CYB5R3: variants seen among roughly 807,000 people sequenced by gnomAD.
CYB5R3 encodes NADH-cytochrome b5 reductase 3.
In CYB5R3, 28 loss-of-function variants were observed where a neutral mutation model predicts 36.5. That is an observed-to-expected ratio of 0.77 (90% confidence interval 0.57 to 1.05). CYB5R3 has a LOEUF of 1.05. Among genes scored for constraint, CYB5R3 ranks in the 50% least tolerant of loss-of-function variants. CYB5R3 has a pLI of 0.00. For synonymous variants in CYB5R3, 181 were observed against 159.8 expected (o/e 1.13, Z -1.00); for missense variants, 474 against 408.9 (o/e 1.16, Z -1.37).
intron 1 of CYB5R3, among the ~76,000 whole-genome samples, chr22:42,639,502 T>TGC (rs1929117624): frequency 6.6e-6 from 1 of 150,384 alleles, no homozygotes; most frequent in East Asian, 2.0e-4. Context: ...GTAGCGGGCG[T>TGC]CTGCAATCCC....
At position 42,649,341 on chromosome 22, in the gene CYB5R3, G is replaced by A. The variant is rs1569330539; in HGVS notation, c.-26C>T. The A allele has an allele frequency of 1.0e-6, 1 of 979,688 alleles. No individual in the cohort carries two copies. Among genetic ancestry groups the A allele is most frequent in the Non-Finnish European group, 1.2e-6 (1 of 807,682 alleles). The allele number at this position is 979,688 out of a possible 1,614,324, so 60.7% of individuals were successfully genotyped here. A position where few individuals can be genotyped will look rare whatever the true frequency, so the allele number is the denominator to read the frequency against. ...GGTGGCCCCGCGCCGCGCTCGCTCT[G>A]TCGCCGCCGCCGCCGCCGCCGAGAC... On this transcript the variant is annotated 5_prime_UTR_variant, in exon 1 of 9. Coordinates refer to ENST00000352397, the MANE Select transcript of CYB5R3 (RefSeq NM_000398.7).
intron 4 of CYB5R3, among the ~76,000 whole-genome samples, chr22:42,628,486 C>T (rs1928425499): frequency 6.6e-6 from 1 of 152,210 alleles, no homozygotes. Flanking sequence ...AGTCAGCCTC[C>T]ACCTGACATA....
Position 42,627,633 on chromosome 22 carries a change from C to T in CYB5R3, c.519G>A (p.Lys173=). Reference sequence around the variant, plus strand: ...TCCCTCCCGCGATCATGCCCACAGACTTCACTGTCCTGATGATAGGGTTGG... The same window carrying T: ...TCCCTCCCGCGATCATGCCCACAGATTTCACTGTCCTGATGATAGGGTTGG... The part of the protein sequence containing the change: ...KKSNPIIRTV[K]SVGMIAGGTG... The change falls in exon 6 of 9, where the codon AAG becomes AAA. Residue 173 remains lysine, a synonymous_variant. Coordinates refer to ENST00000352397, the MANE Select transcript of CYB5R3 (RefSeq NM_000398.7). The T allele has an allele frequency of 6.2e-7, 1 of 1,614,216 alleles. No individual in the cohort carries two copies. The highest frequency in any genetic ancestry group is 1.1e-5 in the South Asian group (1 of 91,086).
At chr22:42,620,933 A>G (rs1927931221) in intron 8 of CYB5R3, among the ~76,000 whole-genome samples, 1 of 152,140 alleles carries the variant, frequency 6.6e-6, no homozygotes, top group Admixed American at 6.5e-5. Flanking sequence ...CATTCATTTT[A>G]TAGCCCTGCA....
At chr22:42,627,541 A>C in intron 6 of CYB5R3, 64 bp downstream of exon 6, 5 of 1,533,018 alleles carry the variant, frequency 3.3e-6, no homozygotes, top group Non-Finnish European at 4.5e-6. Context: ...CCTGCGCCTC[A>C]CCCACACCCC....
chr22:42,631,165 C>T (rs1163248013), intron 3 of CYB5R3, 177 bp from the exon 4 acceptor site: 4 of 756,384 alleles, frequency 5.3e-6, no homozygotes, highest in Non-Finnish European at 8.9e-6. Flanking sequence ...TTCCTGCCTC[C>T]ATGCCTTCAC....
At position 42,631,469 on chromosome 22, in the gene CYB5R3, C is replaced by G; in HGVS notation, c.154-19G>C. On this transcript the variant is annotated intron_variant, in intron 2 of 8. Coordinates refer to ENST00000352397, the MANE Select transcript of CYB5R3 (RefSeq NM_000398.7). ...TGATGATCTGGAGAGAGGCCCAAAG[C>G]TGCTGAACGGTCCCCAGGGCAGAGG... 6.4e-7 allele frequency: 1 copy of G among 1,551,444 alleles called. No homozygotes were observed. Among genetic ancestry groups the G allele is most frequent in the Non-Finnish European group, 8.7e-7 (1 of 1,146,858 alleles).
In CYB5R3 at chr22:42,619,475, T is replaced by G. The variant is rs1405068157; in HGVS notation, c.*298A>C. The G allele has an allele frequency of 1.7e-5, 8 of 460,562 alleles. No homozygotes were observed. Among genetic ancestry groups the G allele is most frequent in the African/African-American group, 1.4e-4 (7 of 49,602 alleles). 28.5% of individuals were successfully genotyped at this position (460,562 alleles called of 1,614,324 possible). On this transcript the variant is annotated 3_prime_UTR_variant, in exon 9 of 9. Coordinates refer to ENST00000352397, the MANE Select transcript of CYB5R3 (RefSeq NM_000398.7). ...GGGCTGCTGGCAGCCCTCAGCCTTA[T>G]AGTGTGTGTGGGGGGTGGACGAGGG...
intron 1 of CYB5R3, chr22:42,644,617 T>A (rs1929451662): frequency 6.8e-7 from 1 of 1,481,138 alleles, no homozygotes; most frequent in Non-Finnish European, 9.0e-7. Flanking sequence ...GGAAACTCCC[T>A]GGGGCAAGTA....
rs1488314940 is a variant in CYB5R3, at chr22:42,617,891, C to T, written c.*1882G>A. On this transcript the variant is annotated 3_prime_UTR_variant, in exon 9 of 9. Transcript: ENST00000352397. ...GCTGGTTCCAACGGCAGGGCCTTTG[C>T]GTCTGCTGTTTCCACCATTTGAACA... is the stretch of plus-strand genomic sequence containing the variant. 1.3e-5 allele frequency: 2 copies of T among 152,302 alleles called. No individual in the cohort carries two copies. The highest frequency in any genetic ancestry group is 2.4e-5 in the African/African-American group (1 of 41,432). The allele number at this position is 152,302 out of a possible 1,614,324, so 9.4% of individuals were successfully genotyped here.
chr22:42,619,872 C>T lies in CYB5R3; in HGVS notation c.807G>A (p.Pro269=), dbSNP rs764486407. 9.3e-6 allele frequency: 15 copies of T among 1,607,478 alleles called. 1 individual carries two copies. The Admixed American group carries it at 1.2e-4, about 13-fold the overall frequency. ...GTGGGGGGCCACACATCAGCACCAG[C>T]GGCTCCTCCTCTGGGGGTGGAAGGT... ...RDHLPPPEEE[P]LVLMCGPPPM... is the part of the protein sequence containing the mutation. Residue 269 remains proline, a synonymous_variant, in exon 9 of 9, where the codon CCG becomes CCA. Transcript: ENST00000352397.
chr22:42,620,084 T>C, intron 8 of CYB5R3, 139 bp from the exon 9 acceptor site: 1 of 847,260 alleles, frequency 1.2e-6, no homozygotes, highest in Non-Finnish European at 1.9e-6. Flanking sequence ...CAGGACCCCC[T>C]GCCCCCAACC....
intron 7 of CYB5R3, among the ~76,000 whole-genome samples, chr22:42,626,134 C>A (rs926754165): frequency 5.3e-5 from 8 of 152,082 alleles, no homozygotes; most frequent in African/African-American, 1.9e-4. Context: ...CATGGTAAAA[C>A]CCCATCTCTA....
intron 1 of CYB5R3, among the ~76,000 whole-genome samples, chr22:42,643,592 T>C (rs947203937): frequency 7.9e-5 from 12 of 151,918 alleles, no homozygotes; most frequent in Non-Finnish European, 1.8e-4. Context: ...CATGGGGCCC[T>C]TGGTATTTGA....
intron 1 of CYB5R3, among the ~76,000 whole-genome samples, chr22:42,643,292 G>A (rs1259737837): frequency 6.6e-6 from 1 of 152,202 alleles, no homozygotes; most frequent in Non-Finnish European, 1.5e-5. Flanking sequence ...CTGGGGCCCA[G>A]GTCACGTAGG....
At chr22:42,627,476 G>C in intron 6 of CYB5R3, 87 bp from the exon 7 acceptor site, 2 of 1,491,492 alleles carry the variant, frequency 1.3e-6, no homozygotes, top group South Asian at 1.1e-5. Flanking sequence ...GGGTGGAGGG[G>C]CCAGGACCAC....
At chr22:42,629,310 C>T (rs1342333534) in intron 4 of CYB5R3, among the ~76,000 whole-genome samples, 1 of 152,186 alleles carries the variant, frequency 6.6e-6, no homozygotes, top group Non-Finnish European at 1.5e-5. Context: ...CTGCTGCTGA[C>T]TTCAGGGCCT....
intron 1 of CYB5R3, among the ~76,000 whole-genome samples, 170 bp downstream of exon 1, chr22:42,649,125 C>A (rs1929654427): frequency 6.6e-6 from 1 of 152,138 alleles, no homozygotes; most frequent in Non-Finnish European, 1.5e-5. Context: ...ACGTAGCTCG[C>A]CCAGGCCCTT....
intron 2 of CYB5R3, among the ~76,000 whole-genome samples, chr22:42,635,319 T>C (rs898857969): frequency 6.6e-6 from 1 of 151,526 alleles, no homozygotes; most frequent in African/African-American, 2.4e-5. Flanking sequence ...TTAGCCAGGA[T>C]GGTCTCGATC....
Sources: allele counts gnomAD v4.1 joint callset (sites outside exome capture counted in the v4.1 genomes callset), GRCh38; gene constraint gnomAD v4.1.1; transcripts MANE v1.5; gene names NCBI Gene and HGNC (gene_info 2026-07-23, HGNC 2026-07-21).